SEM1: variants seen among roughly 807,000 people sequenced by gnomAD.
SEM1 encodes the protein SEM1 26S proteasome subunit, also known as 26S proteasome complex subunit SEM1.
A neutral mutation model predicts 12.7 loss-of-function variants in SEM1; 3 were observed. The ratio of observed to expected loss-of-function variants is 0.24; its 90% CI spans 0.11 to 0.61. The LOEUF (loss-of-function observed/expected upper bound fraction) is 0.61, where lower values mean the gene tolerates loss of function less well. Ranked by LOEUF, SEM1 falls within the 20% of genes least tolerant of loss-of-function variation. SEM1 has a pLI of 0.88. For synonymous variants in SEM1, 30 were observed against 27.8 expected, an observed-to-expected ratio of 1.08 and a Z score of -0.25; for missense variants, 59 against 81.3, an observed-to-expected ratio of 0.73 and a Z score of 1.06.
rs930325806 is a variant in SEM1 at position 96,616,477 on chromosome 7, C to T, written c.170+78321G>A. 3.3e-5 allele frequency among the ~76,000 whole-genome samples: 5 copies of T among 151,924 alleles called. No individual in the cohort carries two copies. The South Asian group carries it at 1.0e-3, about 32-fold the overall frequency. On this transcript the variant is annotated intron_variant and NMD_transcript_variant, in intron 2 of 3. Coordinates refer to the SEM1 transcript ENST00000466986. ...TTGTTAGATTCATAGTTTGCAAATA[C>T]TTTTTCCCTATTCTGTAGGTTACCT...
intron 2 of SEM1, among the ~76,000 whole-genome samples, chr7:96,666,062 A>G (rs1007605813): frequency 6.6e-6 from 1 of 152,240 alleles, no homozygotes; most frequent in South Asian, 2.1e-4. Flanking sequence ...AGGAAGGGTG[A>G]AATTAAATGT....
At chr7:96,615,239 A>ATTTTTTTTTTTTTTTTTTTTTTT (rs1421596853) in intron 2 of SEM1, among the ~76,000 whole-genome samples, 2 of 98,144 alleles carry the variant, frequency 2.0e-5, no homozygotes, top group African/African-American at 8.4e-5. Context: ...TTTTTGAGTC[A>ATTTTTTTTTTTTTTTTTTTTTTT]TCTTTTTTTT....
intron 1 of SEM1, among the ~76,000 whole-genome samples, chr7:96,493,130 A>G (rs1013604862): frequency 6.6e-6 from 1 of 151,968 alleles, no homozygotes; most frequent in African/African-American, 2.4e-5. Flanking sequence ...ATACCCGGCT[A>G]ATTTTTGTAT....
chr7:96,501,523 A>G (rs530964439), intron 3 of SEM1, among the ~76,000 whole-genome samples: 3 of 152,136 alleles, frequency 2.0e-5, no homozygotes, highest in Non-Finnish European at 2.9e-5. Context: ...ATTGAATTCA[A>G]TGATGATAAG....
intron 2 of SEM1, among the ~76,000 whole-genome samples, chr7:96,575,921 A>G (rs545089494): frequency 2.0e-5 from 3 of 152,364 alleles, no homozygotes; most frequent in South Asian, 4.1e-4. Context: ...CTACTTGAAG[A>G]AGACGACACA....
intron 2 of SEM1, among the ~76,000 whole-genome samples, chr7:96,624,049 A>G (rs952419662): frequency 2.6e-5 from 4 of 152,050 alleles, no homozygotes; most frequent in African/African-American, 9.7e-5. Context: ...TTCTTAAGTT[A>G]ATTACATTTG....
rs193264022 is a variant in SEM1, at chr7:96,509,897, G to T, written c.171-3199C>A. On this transcript the variant is annotated intron_variant and NMD_transcript_variant, in intron 2 of 3. Transcript: ENST00000466986. ...ATGGTGGTAGCCAGGGATTGAGGGA[G>T]GGGAGGAACAAGAAATTCATGTTTA... Among the ~76,000 whole-genome samples, 680 of 152,146 alleles carry T rather than the reference G, an allele frequency of 4.5e-3. 5 individuals carry two copies. The highest frequency in any genetic ancestry group is 5.8e-3 in the Non-Finnish European group (391 of 67,990).
chr7:96,532,177 C>A (rs368180992), intron 2 of SEM1, among the ~76,000 whole-genome samples: 2 of 152,008 alleles, frequency 1.3e-5, no homozygotes, highest in Non-Finnish European at 2.9e-5. Context: ...TTCAAACAAG[C>A]TAAAACATGT....
At chr7:96,656,606 A>G (rs895404502) in intron 2 of SEM1, 8 of 151,754 alleles carry the variant, frequency 5.3e-5, no homozygotes, top group African/African-American at 1.9e-4. Context: ...AAAAAAAAAA[A>G]TCAGGCTTCT....
chr7:96,623,642 T>C (rs919512411), intron 2 of SEM1, among the ~76,000 whole-genome samples: 2 of 150,790 alleles, frequency 1.3e-5, no homozygotes, highest in Admixed American at 6.6e-5. Context: ...TTTTGTTAGA[T>C]ATGATCATTT....
chr7:96,676,457 G>A (rs891608742), intron 2 of SEM1, among the ~76,000 whole-genome samples: 2 of 152,108 alleles, frequency 1.3e-5, no homozygotes, highest in Non-Finnish European at 2.9e-5. Flanking sequence ...TATTAAAAGG[G>A]TTGAAATTTA....
intron 2 of SEM1, among the ~76,000 whole-genome samples, chr7:96,628,546 C>T (rs1479667975): frequency 2.0e-5 from 3 of 152,118 alleles, no homozygotes; most frequent in Admixed American, 2.0e-4. Flanking sequence ...TAACTTTATC[C>T]TCCCACTTTT....
At chr7:96,551,465 C>T (rs10230843) in intron 2 of SEM1, among the ~76,000 whole-genome samples, 8,167 of 151,956 alleles carry the variant, frequency 0.054, 706 homozygotes, top group African/African-American at 0.19. Flanking sequence ...TTTGGGAGGC[C>T]AAGGCTGGTG....
At chr7:96,617,575 T>C (rs1293204850), downstream of SEM1, among the ~76,000 whole-genome samples, 6 of 152,186 alleles carry the variant, frequency 3.9e-5, no homozygotes, top group Non-Finnish European at 8.8e-5. Flanking sequence ...CAGTACTGTG[T>C]TGGATAAGAG....
chr7:96,528,509 A>G (rs1804541211), intron 2 of SEM1, among the ~76,000 whole-genome samples: 1 of 152,106 alleles, frequency 6.6e-6, no homozygotes, highest in Non-Finnish European at 1.5e-5. Context: ...ATAATTCTGG[A>G]CAAATTTGAG....
intron 1 of SEM1, among the ~76,000 whole-genome samples, chr7:96,494,246 G>C (rs1169736835): frequency 6.6e-6 from 1 of 152,136 alleles, no homozygotes; most frequent in Admixed American, 6.6e-5. Context: ...CTACCCAGGT[G>C]AGTCTGTTTC....
At chr7:96,682,924 A>G (rs1049606330) in intron 2 of SEM1, among the ~76,000 whole-genome samples, 5 of 152,196 alleles carry the variant, frequency 3.3e-5, no homozygotes, top group South Asian at 2.1e-4. Context: ...TCAAAAGAAG[A>G]CATTTATGCA....
chr7:96,693,380 T>C (rs754044469), intron 2 of SEM1, among the ~76,000 whole-genome samples: 8 of 152,036 alleles, frequency 5.3e-5, no homozygotes, highest in Non-Finnish European at 8.8e-5. Flanking sequence ...GACATCTATA[T>C]GCAGAAGAAT....
intron 2 of SEM1, among the ~76,000 whole-genome samples, chr7:96,585,312 G>A (rs1467263950): frequency 1.3e-5 from 2 of 152,248 alleles, no homozygotes; most frequent in Non-Finnish European, 2.9e-5. Context: ...CATTGAGGAG[G>A]CAGTCTGCCT....
Sources: gnomAD v4.1 joint callset for allele counts (sites outside exome capture counted in the v4.1 genomes callset) on GRCh38, gnomAD v4.1.1 for gene constraint, MANE v1.5 for transcripts, NCBI Gene and HGNC (gene_info 2026-07-23, HGNC 2026-07-21) for gene names.